Variants in FAT3 observed in about 807,000 individuals in gnomAD.
FAT3 encodes protocadherin Fat 3.
In FAT3, 95 loss-of-function variants were observed where a neutral mutation model predicts 310.2. That is an observed-to-expected ratio of 0.31 (90% CI 0.26 to 0.36). FAT3 has a LOEUF of 0.36. Ranked by LOEUF, FAT3 falls within the 10% of genes least tolerant of loss-of-function variation. FAT3 has a pLI of 1.00. For missense variants in FAT3, 5,408 were observed against 5,715.6 expected (o/e 0.95, Z 1.74); for synonymous variants, 2,314 against 2,192.9 (o/e 1.06, Z -1.54).
At chr11:92,708,087 A>G (rs542410459) in intron 4 of FAT3, among the ~76,000 whole-genome samples, 1 of 152,228 alleles carries the variant, frequency 6.6e-6, no homozygotes, top group Non-Finnish European at 1.5e-5. Context: ...TGAAATACCA[A>G]GAGAGTTGTC....
At chr11:92,712,098 T>G (rs1415231285) in intron 4 of FAT3, among the ~76,000 whole-genome samples, 1 of 152,124 alleles carries the variant, frequency 6.6e-6, no homozygotes, top group Admixed American at 6.5e-5. Flanking sequence ...GGTGACAAAT[T>G]GTAGTGTAAA....
chr11:92,563,261 CTA>C (rs35866880), intron 3 of FAT3, among the ~76,000 whole-genome samples: 82,530 of 151,726 alleles, frequency 0.54, 23,099 homozygotes, highest in East Asian at 0.78. Context: ...ATAATATGGA[CTA>C]TATATATAAG....
intron 3 of FAT3, among the ~76,000 whole-genome samples, chr11:92,668,465 T>G (rs556044335): frequency 6.6e-6 from 1 of 152,164 alleles, no homozygotes; most frequent in Non-Finnish European, 1.5e-5. Flanking sequence ...GGCCTAACAC[T>G]GTGTCACATC....
chr11:92,525,120 T>C (rs1234325932), intron 3 of FAT3, among the ~76,000 whole-genome samples, 172 bp downstream of exon 3: 2 of 152,182 alleles, frequency 1.3e-5, no homozygotes, highest in Non-Finnish European at 2.9e-5. Context: ...ATGTTTTAAT[T>C]TCACTTGACA....
At chr11:92,788,092 A>T (rs922473761) in intron 7 of FAT3, among the ~76,000 whole-genome samples, 2 of 152,198 alleles carry the variant, frequency 1.3e-5, no homozygotes, top group African/African-American at 4.8e-5. Context: ...ACTAAAAAGA[A>T]AACAAGCCAT....
At chr11:92,285,469 T>G (rs1349548926) in intron 1 of FAT3, among the ~76,000 whole-genome samples, 3 of 152,180 alleles carry the variant, frequency 2.0e-5, no homozygotes, top group Non-Finnish European at 2.9e-5. Flanking sequence ...CTGGGAGAAG[T>G]AATGCACATT....
At chr11:92,384,489 T>C (rs892027887) in intron 2 of FAT3, among the ~76,000 whole-genome samples, 2 of 152,210 alleles carry the variant, frequency 1.3e-5, no homozygotes, top group African/African-American at 4.8e-5. Context: ...CTTTGACTCA[T>C]AACTTCTTTA....
At chr11:92,476,093 GTA>G (rs899573649) in intron 2 of FAT3, among the ~76,000 whole-genome samples, 25 of 152,172 alleles carry the variant, frequency 1.6e-4, no homozygotes, top group Admixed American at 9.8e-4. Context: ...GTGTGTGTGT[GTA>G]TACAAGTGTG....
chr11:92,878,224 A>G (rs1191819068), intron 22 of FAT3, among the ~76,000 whole-genome samples: 2 of 152,202 alleles, frequency 1.3e-5, no homozygotes, highest in Non-Finnish European at 2.9e-5. Context: ...TCTATGTTAC[A>G]GTCTTGAGGC....
At chr11:92,452,592 A>G (rs1010819874) in intron 2 of FAT3, among the ~76,000 whole-genome samples, 2 of 152,120 alleles carry the variant, frequency 1.3e-5, no homozygotes, top group South Asian at 2.1e-4. Context: ...ATGGGACCAC[A>G]TACCCTATAG....
intron 1 of FAT3, among the ~76,000 whole-genome samples, chr11:92,230,559 G>A (rs1864132897): frequency 6.6e-6 from 1 of 152,124 alleles, no homozygotes; most frequent in African/African-American, 2.4e-5. Context: ...CTCCCAAAGT[G>A]CTCGGATTAG....
intron 3 of FAT3, among the ~76,000 whole-genome samples, chr11:92,685,561 A>T (rs1338208578): frequency 1.3e-5 from 2 of 150,694 alleles, no homozygotes; most frequent in Non-Finnish European, 3.0e-5. Context: ...TTTCATTATT[A>T]TATATTTATT....
intron 9 of FAT3, among the ~76,000 whole-genome samples, chr11:92,796,603 A>G (rs889417176): frequency 6.6e-6 from 1 of 152,218 alleles, no homozygotes; most frequent in Non-Finnish European, 1.5e-5. Flanking sequence ...AAAAGTCCAG[A>G]TAGAGTTGAA....
At chr11:92,824,141 G>A (rs936751414) in intron 13 of FAT3, among the ~76,000 whole-genome samples, 1 of 152,138 alleles carries the variant, frequency 6.6e-6, no homozygotes, top group African/African-American at 2.4e-5. Context: ...TGGATCACCT[G>A]AGGTCAGGAG....
intron 3 of FAT3, among the ~76,000 whole-genome samples, chr11:92,695,998 A>G (rs1016855531): frequency 6.6e-6 from 1 of 152,178 alleles, no homozygotes; most frequent in Non-Finnish European, 1.5e-5. Context: ...ATAAATTTCA[A>G]ATGTCCTCAC....
At chr11:92,319,489 A>C (rs1227794430) in intron 1 of FAT3, among the ~76,000 whole-genome samples, 2 of 152,242 alleles carry the variant, frequency 1.3e-5, no homozygotes, top group Non-Finnish European at 2.9e-5. Context: ...AAAAGTCATT[A>C]TAAACTACTT....
rs182889848 is a variant in FAT3 at position 92,542,751 on chromosome 11, A to C, written c.3607+17803A>C. ...GATGAGAATATAAATTATTATAGCCATTATGGAAAACAGTATGAAGATTCC... is the reference window on the plus strand; with the variant it reads ...GATGAGAATATAAATTATTATAGCCCTTATGGAAAACAGTATGAAGATTCC... On this transcript the variant is annotated intron_variant, in intron 3 of 27. Coordinates refer to ENST00000525166, the MANE Select transcript of FAT3 (RefSeq NM_001367949.2). Among the ~76,000 whole-genome samples the C allele has an allele frequency of 2.6e-5, 4 of 152,226 alleles. No homozygotes were observed. In the East Asian group the frequency reaches 7.7e-4, roughly 29 times the overall value.
At chr11:92,438,192 T>C (rs1399058090) in intron 2 of FAT3, among the ~76,000 whole-genome samples, 4 of 152,162 alleles carry the variant, frequency 2.6e-5, no homozygotes, top group Non-Finnish European at 5.9e-5. Flanking sequence ...AAAAATAAAA[T>C]AAAGACATGT....
At chr11:92,388,620 A>G (rs779878143) in intron 2 of FAT3, among the ~76,000 whole-genome samples, 3 of 152,208 alleles carry the variant, frequency 2.0e-5, no homozygotes, top group Non-Finnish European at 2.9e-5. Flanking sequence ...GTGGAGGGAT[A>G]AGGGATTGCA....
Sources: allele counts gnomAD v4.1 joint callset (sites outside exome capture counted in the v4.1 genomes callset), GRCh38; gene constraint gnomAD v4.1.1; transcripts MANE v1.5; gene names NCBI Gene and HGNC (gene_info 2026-07-23, HGNC 2026-07-21).